The following DLG1 variants were observed in gnomAD, a reference collection of about 807,000 sequenced individuals.
The protein encoded by DLG1 is discs large MAGUK scaffold protein 1.
A neutral mutation model predicts 123.4 loss-of-function variants in DLG1; 42 were observed. The observed-to-expected ratio is 0.34, with a 90% CI of 0.27 to 0.44. DLG1 has a LOEUF of 0.44. DLG1 is among the 20% of genes least tolerant of loss of function. The probability of loss-of-function intolerance (pLI) is 1.00; values close to 1 mark genes in which losing one functional copy is unlikely to be tolerated. For missense variants in DLG1, 942 were observed against 1,082.6 expected (o/e 0.87, Z 1.82); for synonymous variants, 317 against 356.2 (o/e 0.89, Z 1.24).
At chr3:197,098,480 T>C (rs1245651421) in intron 14 of DLG1, among the ~76,000 whole-genome samples, 1 of 152,262 alleles carries the variant, frequency 6.6e-6, no homozygotes, top group Non-Finnish European at 1.5e-5. Context: ...TGATAATTTC[T>C]TAAATTTGTG....
chr3:197,183,708 T>A (rs1713991509), intron 5 of DLG1: 1 of 1,550,552 alleles, frequency 6.4e-7, no homozygotes, highest in Non-Finnish European at 8.7e-7. Flanking sequence ...TTTTGCCCAG[T>A]GTTTCTGCTT....
intron 5 of DLG1, among the ~76,000 whole-genome samples, chr3:197,156,292 T>C (rs1478704473): frequency 6.6e-6 from 1 of 151,896 alleles, no homozygotes; most frequent in East Asian, 1.9e-4. Context: ...CCACACAAAA[T>C]ATAACTAAAG....
chr3:197,046,853 G>T (rs1034846223), intron 24 of DLG1, among the ~76,000 whole-genome samples: 1 of 151,958 alleles, frequency 6.6e-6, no homozygotes, highest in Non-Finnish European at 1.5e-5. Context: ...CTGGGTGACA[G>T]AGTGAGACCC....
At chr3:197,076,833 T>A in intron 17 of DLG1, 148 bp from the exon 18 acceptor site, 1 of 443,646 alleles carries the variant, frequency 2.3e-6, no homozygotes, top group South Asian at 3.9e-5. Context: ...ATAAAGTGAA[T>A]TTCTACTTTT....
chr3:197,226,906 A>T (rs1000874821), intron 4 of DLG1, among the ~76,000 whole-genome samples: 2 of 152,238 alleles, frequency 1.3e-5, no homozygotes, highest in Admixed American at 6.5e-5. Context: ...CATTCAAAGC[A>T]ACAAATAAAA....
At chr3:197,052,023 T>A (rs1419380735) in intron 23 of DLG1, among the ~76,000 whole-genome samples, 1 of 151,878 alleles carries the variant, frequency 6.6e-6, no homozygotes, top group African/African-American at 2.4e-5. Flanking sequence ...ATATTTTTAG[T>A]AGAGATGGGG....
At chr3:197,066,901 A>T (rs1362140893) in intron 19 of DLG1, 147 bp from the exon 20 acceptor site, 3 of 499,684 alleles carry the variant, frequency 6.0e-6, no homozygotes, top group East Asian at 6.2e-5. Flanking sequence ...AGATTTAGTT[A>T]AAAAAAAGTG....
intron 5 of DLG1, among the ~76,000 whole-genome samples, chr3:197,162,922 C>A (rs1033887502): frequency 2.6e-5 from 4 of 152,128 alleles, no homozygotes; most frequent in African/African-American, 9.7e-5. Flanking sequence ...ACAGCCTACA[C>A]AATGGGAGAA....
chr3:197,209,493 C>CA (rs1214343604), intron 4 of DLG1, among the ~76,000 whole-genome samples: 3 of 146,458 alleles, frequency 2.0e-5, no homozygotes, highest in Non-Finnish European at 4.6e-5. Flanking sequence ...AAATATAAGA[C>CA]AAATTGAACA....
chr3:197,165,191 A>G (rs1315279781), intron 5 of DLG1, among the ~76,000 whole-genome samples: 1 of 152,210 alleles, frequency 6.6e-6, no homozygotes, highest in Non-Finnish European at 1.5e-5. Flanking sequence ...CAGTGGCGTT[A>G]TTAATATAAA....
At chr3:197,052,406 G>A (rs1728493580) in intron 23 of DLG1, among the ~76,000 whole-genome samples, 1 of 152,120 alleles carries the variant, frequency 6.6e-6, no homozygotes, top group African/African-American at 2.4e-5. Flanking sequence ...AGTGAGCCGA[G>A]ATCGTGCCAC....
chr3:197,123,094 T>C (rs116515117), intron 11 of DLG1, among the ~76,000 whole-genome samples: 4 of 152,268 alleles, frequency 2.6e-5, no homozygotes, highest in African/African-American at 9.6e-5. Context: ...TAAATGATGC[T>C]AGATCAATTA....
At chr3:197,174,436 T>C (rs1474048556) in intron 5 of DLG1, among the ~76,000 whole-genome samples, 4 of 152,180 alleles carry the variant, frequency 2.6e-5, no homozygotes, top group African/African-American at 9.6e-5. Context: ...GTCTATATAA[T>C]AAAGCTGTGC....
intron 4 of DLG1, among the ~76,000 whole-genome samples, chr3:197,262,821 T>C (rs1264674892): frequency 6.6e-6 from 1 of 152,196 alleles, no homozygotes; most frequent in Non-Finnish European, 1.5e-5. Context: ...TGTGCTGTGT[T>C]GAGAGCAGAG....
chr3:197,269,981 C>T (rs779585469), intron 4 of DLG1, among the ~76,000 whole-genome samples: 3 of 152,212 alleles, frequency 2.0e-5, no homozygotes, highest in Non-Finnish European at 2.9e-5. Context: ...TTTCTTCTCA[C>T]GCGATATTTC....
intron 4 of DLG1, among the ~76,000 whole-genome samples, chr3:197,235,902 C>T (rs574138609): frequency 9.3e-4 from 141 of 152,190 alleles, no homozygotes; most frequent in African/African-American, 3.3e-3. Flanking sequence ...TAAAGGAAAA[C>T]ATGAATATCA....
chr3:197,045,564 G>A (rs887023892), intron 24 of DLG1, among the ~76,000 whole-genome samples: 3 of 146,622 alleles, frequency 2.0e-5, no homozygotes, highest in African/African-American at 7.4e-5. Context: ...AACATAGTGA[G>A]ACCCTGTGTA....
At chr3:197,048,192 T>G (rs968740033) in intron 24 of DLG1, among the ~76,000 whole-genome samples, 1 of 152,174 alleles carries the variant, frequency 6.6e-6, no homozygotes, top group South Asian at 2.1e-4. Flanking sequence ...ATAATGAGGC[T>G]GGGTGCAGTG....
At chr3:197,277,355 G>T (rs1469378092) in intron 4 of DLG1, among the ~76,000 whole-genome samples, 1 of 149,144 alleles carries the variant, frequency 6.7e-6, no homozygotes. Flanking sequence ...TTTCCAGAGG[G>T]AGTCTCACCC....
Sources: allele counts gnomAD v4.1 joint callset (sites outside exome capture counted in the v4.1 genomes callset), GRCh38; gene constraint gnomAD v4.1.1; transcripts MANE v1.5; gene names NCBI Gene and HGNC (gene_info 2026-07-23, HGNC 2026-07-21).